The following MDN1 variants were observed in gnomAD, a reference collection of about 807,000 sequenced individuals.
MDN1 encodes midasin.
In MDN1, 266 loss-of-function variants were observed where a neutral mutation model predicts 669.2. The ratio of observed to expected loss-of-function variants is 0.40; its 90% CI spans 0.36 to 0.44. The LOEUF is 0.44. MDN1 is among the 20% of genes least tolerant of loss of function. MDN1 has a pLI of 1.00. For synonymous variants in MDN1, 2,385 were observed against 2,457.1 expected (o/e 0.97, Z 0.87); for missense variants, 5,940 against 6,754.0 (o/e 0.88, Z 4.22).
intron 20 of MDN1, 60 bp from the exon 21 acceptor site, chr6:89,754,290 T>C: frequency 6.5e-7 from 1 of 1,530,220 alleles, no homozygotes; most frequent in South Asian, 1.2e-5. Flanking sequence ...GTATTATCAA[T>C]TCTCTACAGA....
chr6:89,656,585 A>C, intron 91 of MDN1, 115 bp downstream of exon 91: 1 of 858,806 alleles, frequency 1.2e-6, no homozygotes. Flanking sequence ...CTGATGCAAC[A>C]ACAACAAAAA....
intron 2 of MDN1, chr6:89,797,487 T>A (rs1584387371): frequency 4.2e-6 from 1 of 238,522 alleles, no homozygotes; most frequent in Admixed American, 5.3e-5. Context: ...CTGATAAAGG[T>A]ATGTGGTTGT....
At position 89,729,086 on chromosome 6, in the gene MDN1, T is replaced by C; in HGVS notation, c.5194A>G (p.Thr1732Ala). 2.5e-6 allele frequency: 4 copies of C among 1,614,014 alleles called. No individual in the cohort carries two copies. Among genetic ancestry groups the C allele is most frequent in the Non-Finnish European group, 3.4e-6 (4 of 1,180,012 alleles). Reference sequence around the variant, plus strand: ...AAGAGCCTCTGTGCATTCATAGCAGTGGTCCCTGCACTGAGTGCATAGTCT... The same window carrying C: ...AAGAGCCTCTGTGCATTCATAGCAGCGGTCCCTGCACTGAGTGCATAGTCT... ...IADYALSAGT[T>A]AMNAQRLLRA... Residue 1732 changes from threonine to alanine, a missense_variant, in exon 36 of 102, where the codon ACT becomes GCT. Around this residue, in one of 5 missense-constraint regions of MDN1, gnomAD observed 2,292 missense variants for 2,638.3 expected, o/e 0.87. Coordinates refer to ENST00000369393, the MANE Select transcript of MDN1 (RefSeq NM_014611.3).
At chr6:89,765,293 T>C (rs1441138555) in intron 15 of MDN1, among the ~76,000 whole-genome samples, 1 of 152,020 alleles carries the variant, frequency 6.6e-6, no homozygotes. Flanking sequence ...TTTATCTGAT[T>C]GTACTTTAAA....
chr6:89,790,700 C>CTGTG (rs1819221958), intron 5 of MDN1, among the ~76,000 whole-genome samples: 2 of 151,860 alleles, frequency 1.3e-5, no homozygotes, highest in Admixed American at 1.3e-4. Context: ...GAGACCCCGA[C>CTGTG]TCTAGAAAAA....
In MDN1 at chr6:89,754,063, C is replaced by G. The variant is rs1349396061; in HGVS notation, c.2964+20G>C. On this transcript the variant is annotated intron_variant, in intron 21 of 101. Transcript: ENST00000369393. ...CCCATCCATTAAGCTCATATCCAGT[C>G]AAAGAGACTTCAGAAAGACCTCATA... is the stretch of plus-strand genomic sequence containing the variant. 4.3e-6 allele frequency: 7 copies of G among 1,610,636 alleles called. No individual in the cohort carries two copies. Among genetic ancestry groups the G allele is most frequent in the Admixed American group, 3.4e-5 (2 of 59,508 alleles).
chr6:89,654,845 CA>C (rs1203608911), intron 92 of MDN1, among the ~76,000 whole-genome samples: 3 of 152,086 alleles, frequency 2.0e-5, no homozygotes, highest in Non-Finnish European at 2.9e-5. Context: ...CTGTACCCCA[CA>C]AATACATATC....
rs1562069534 is a variant in MDN1 at position 89,674,386 on chromosome 6, T to C, written c.12965A>G (p.Asn4322Ser). 5 of 1,614,174 alleles carry C rather than the reference T, an allele frequency of 3.1e-6. No individual in the cohort carries two copies. Among genetic ancestry groups the C allele is most frequent in the Non-Finnish European group, 3.4e-6 (4 of 1,180,016 alleles). The change falls in exon 79 of 102, where the codon AAT (asparagine) becomes AGT (serine). Residue 4322 changes from asparagine (N) to serine (S), a missense_variant. Asn to Ser is a conservative substitution (Grantham distance 46, BLOSUM62 1). Around this residue, in one of 5 missense-constraint regions of MDN1, gnomAD observed 2,280 missense variants for 2,576.3 expected, o/e 0.88. Transcript: ENST00000369393. ...PSVGPAPGHG[N>S]VQVLGQPPGP... is the part of the protein sequence containing the mutation. ...AGGAGGCTGCCCCAGTACCTGGACATTGCCATGGCCTGGAGCTGGCCCTAC... is the reference window on the plus strand; with the variant it reads ...AGGAGGCTGCCCCAGTACCTGGACACTGCCATGGCCTGGAGCTGGCCCTAC...
At chr6:89,809,808 T>TAAAATA (rs1220932997) in intron 1 of MDN1, among the ~76,000 whole-genome samples, 106 of 143,964 alleles carry the variant, frequency 7.4e-4, no homozygotes, top group Non-Finnish European at 1.2e-3. Flanking sequence ...TAAAATAAAA[T>TAAAATA]AAAATAAAAT....
At chr6:89,670,241 T>C (rs1810653002) in intron 83 of MDN1, among the ~76,000 whole-genome samples, 1 of 143,750 alleles carries the variant, frequency 7.0e-6, no homozygotes, top group Non-Finnish European at 1.5e-5. Context: ...TGGCATGATT[T>C]TGGCTCACTG....
rs1379632446 is a variant in MDN1 at position 89,692,895 on chromosome 6, G to A, written c.10135C>T (p.His3379Tyr). ...LKEEASWQQS[H>Y]HQFRKRLSEE... ...GACAGCCGCTTCCGGAACTGGTGGT[G>A]TGACTGCTGCCAAGAGGCCTCCTCC... Residue 3379 changes from histidine (H) to tyrosine (Y), a missense_variant, in exon 63 of 102, where the codon CAC becomes TAC. Transcript: ENST00000369393. The A allele has an allele frequency of 6.2e-7, 1 of 1,614,260 alleles. No individual in the cohort carries two copies. The highest frequency in any genetic ancestry group is 1.7e-5 in the Admixed American group (1 of 60,030).
intron 82 of MDN1, 85 bp downstream of exon 82, chr6:89,672,115 A>C: frequency 1.4e-6 from 2 of 1,395,944 alleles, no homozygotes; most frequent in Non-Finnish European, 1.9e-6. Context: ...TCTGGCACTT[A>C]TCTACGTGGA....
At position 89,749,225 on chromosome 6, in the gene MDN1, G is replaced by C. The variant is rs1328653580; in HGVS notation, c.3760C>G (p.Gln1254Glu). Residue 1254 changes from glutamine to glutamate, a missense_variant and splice_region_variant, in exon 26 of 102, where the codon CAG becomes GAG. This residue lies in a region of MDN1 where 2,292 missense variants were observed against 2,638.3 expected (regional missense o/e 0.87). Coordinates refer to ENST00000369393, the MANE Select transcript of MDN1 (RefSeq NM_014611.3). ...ACATTCCATTTGAAACTAAGTACCTGAAGATCCAGCATGACTTTAACCAAC... is the reference window on the plus strand; with the variant it reads ...ACATTCCATTTGAAACTAAGTACCTCAAGATCCAGCATGACTTTAACCAAC... ...SKLVKVMLDL[Q>E]SYRRSSSVFA... is the part of the protein sequence containing the mutation. The C allele has an allele frequency of 6.2e-7, 1 of 1,613,568 alleles. No individual in the cohort carries two copies. Among genetic ancestry groups the C allele is most frequent in the Non-Finnish European group, 8.5e-7 (1 of 1,179,834 alleles).
chr6:89,694,007 CAT>C, intron 62 of MDN1, 65 bp downstream of exon 62: 1 of 1,290,004 alleles, frequency 7.8e-7, no homozygotes, highest in South Asian at 1.2e-5. Context: ...CTACTCACAC[CAT>C]AACTACATTA....
In MDN1 at chr6:89,805,359, T is replaced by G. The variant is rs950399213; in HGVS notation, c.103-1805A>C. On this transcript the variant is annotated intron_variant, in intron 1 of 101. Transcript: ENST00000369393. ...GAGTTCAAGACCAGCCTGGACAACA[T>G]GGTGAAACCCCATCGCTACAAAAAA... Among the ~76,000 whole-genome samples, 10 of 152,056 alleles carry G rather than the reference T, an allele frequency of 6.6e-5. No homozygotes were observed. In the East Asian group the frequency reaches 1.9e-3, roughly 29 times the overall value.
At chr6:89,762,625 C>A in intron 15 of MDN1, 95 bp from the exon 16 acceptor site, 1 of 841,176 alleles carries the variant, frequency 1.2e-6, no homozygotes, top group South Asian at 1.8e-5. Flanking sequence ...TCTCAGATTT[C>A]ATTTAATTAA....
intron 2 of MDN1, chr6:89,797,783 T>C: frequency 3.3e-6 from 1 of 302,590 alleles, no homozygotes; most frequent in South Asian, 3.0e-5. Context: ...CTACTGCCAA[T>C]AAAGGGAAAG....
At chr6:89,712,986 G>C (rs1192339531) in intron 47 of MDN1, among the ~76,000 whole-genome samples, 162 bp downstream of exon 47, 1 of 151,358 alleles carries the variant, frequency 6.6e-6, no homozygotes, top group Middle Eastern at 3.2e-3. Flanking sequence ...TTACATTCAA[G>C]CTATTTTCCA....
intron 5 of MDN1, among the ~76,000 whole-genome samples, chr6:89,791,224 T>A (rs1283740573): frequency 3.3e-5 from 5 of 152,174 alleles, no homozygotes; most frequent in Non-Finnish European, 5.9e-5. Flanking sequence ...AAACCTCATC[T>A]ATTACTGTTG....
Sources: gnomAD v4.1 joint callset for allele counts (sites outside exome capture counted in the v4.1 genomes callset) on GRCh38, gnomAD v4.1.1 for gene constraint, gnomAD v4.1.1 regional missense constraint, MANE v1.5 for transcripts, NCBI Gene and HGNC (gene_info 2026-07-23, HGNC 2026-07-21) for gene names.